CSMD1: variants seen among roughly 807,000 people sequenced by gnomAD.
The protein encoded by CSMD1 is CUB and Sushi multiple domains 1, also known as CUB and sushi domain-containing protein 1.
CSMD1 carries 213 observed loss-of-function variants against 417.5 expected under a neutral mutation model. The observed-to-expected ratio is 0.51, with a 90% CI of 0.46 to 0.57. The LOEUF (loss-of-function observed/expected upper bound fraction) is 0.57. Ranked by LOEUF, CSMD1 falls within the 20% of genes least tolerant of loss-of-function variation. The pLI, the probability that CSMD1 is intolerant of heterozygous loss-of-function variation, is 0.00. For synonymous variants in CSMD1, 2,862 were observed against 1,736.8 expected (o/e 1.65, Z -16.11); for missense variants, 6,923 against 4,529.7 (o/e 1.53, Z -15.17).
At chr8:4,920,282 C>G (rs572188483) in intron 1 of CSMD1, among the ~76,000 whole-genome samples, 1 of 151,974 alleles carries the variant, frequency 6.6e-6, no homozygotes, top group African/African-American at 2.4e-5. Context: ...CTGAAATGAG[C>G]GATCCAAGGC....
chr8:4,550,220 C>T (rs898372682), intron 2 of CSMD1, among the ~76,000 whole-genome samples: 1 of 151,968 alleles, frequency 6.6e-6, no homozygotes, highest in Admixed American at 6.6e-5. Flanking sequence ...CTCTTGAAAG[C>T]ACATTTCTCA....
chr8:3,920,221 G>C (rs1191333539), intron 5 of CSMD1, among the ~76,000 whole-genome samples: 1 of 151,988 alleles, frequency 6.6e-6, no homozygotes, highest in African/African-American at 2.4e-5. Context: ...TTTTAGTAAA[G>C]ACAGGGTCTC....
intron 4 of CSMD1, among the ~76,000 whole-genome samples, chr8:4,012,006 G>C (rs1585129506): frequency 6.7e-6 from 1 of 149,012 alleles, no homozygotes; most frequent in East Asian, 2.0e-4. Context: ...ATACTGTATT[G>C]TTTAGGTAAT....
At chr8:3,370,673 G>A (rs779824187) in intron 18 of CSMD1, among the ~76,000 whole-genome samples, 4 of 152,156 alleles carry the variant, frequency 2.6e-5, no homozygotes, top group Non-Finnish European at 5.9e-5. Flanking sequence ...GGCTGGAACC[G>A]AATAAAAAGG....
intron 1 of CSMD1, among the ~76,000 whole-genome samples, chr8:4,816,156 T>C (rs1395951974): frequency 1.3e-5 from 2 of 151,940 alleles, no homozygotes; most frequent in Non-Finnish European, 2.9e-5. Context: ...TTGCATGCTT[T>C]GGCTCAGGTT....
At chr8:4,439,833 A>G (rs1352476125) in intron 2 of CSMD1, among the ~76,000 whole-genome samples, 1 of 152,180 alleles carries the variant, frequency 6.6e-6, no homozygotes, top group African/African-American at 2.4e-5. Flanking sequence ...TAAAGGCACT[A>G]ATACAGAAGG....
intron 1 of CSMD1, among the ~76,000 whole-genome samples, chr8:4,703,303 T>C (rs930372655): frequency 1.8e-4 from 27 of 152,064 alleles, no homozygotes; most frequent in African/African-American, 6.5e-4. Flanking sequence ...AATCAGAATC[T>C]TCTCAGAAAG....
chr8:3,029,764 G>C (rs907702674), intron 50 of CSMD1, among the ~76,000 whole-genome samples: 48 of 151,784 alleles, frequency 3.2e-4, no homozygotes, highest in African/African-American at 1.2e-3. Flanking sequence ...CTGTAAAGGG[G>C]GTAAATCACT....
chr8:4,306,099 C>A (rs187915793), intron 3 of CSMD1, among the ~76,000 whole-genome samples: 1 of 152,294 alleles, frequency 6.6e-6, no homozygotes, highest in Admixed American at 6.5e-5. Flanking sequence ...AATGAATCTT[C>A]TTTTGCTTTT....
At chr8:4,378,067 T>G (rs1802868855) in intron 3 of CSMD1, among the ~76,000 whole-genome samples, 1 of 152,220 alleles carries the variant, frequency 6.6e-6, no homozygotes, top group Non-Finnish European at 1.5e-5. Context: ...ACTCATTCAA[T>G]TACAGACTCC....
intron 5 of CSMD1, among the ~76,000 whole-genome samples, chr8:3,884,823 C>G (rs1019947791): frequency 3.3e-5 from 5 of 151,730 alleles, no homozygotes; most frequent in Non-Finnish European, 7.4e-5. Flanking sequence ...AGGAGAATCT[C>G]TACTTCGTCG....
At chr8:4,750,240 A>G (rs369168280) in intron 1 of CSMD1, among the ~76,000 whole-genome samples, 5,501 of 152,074 alleles carry the variant, frequency 0.036, 142 homozygotes, top group Non-Finnish European at 0.052. Flanking sequence ...ATCTCCCGAC[A>G]TTGTGATCCG....
At chr8:4,585,768 C>A (rs1191748929) in intron 2 of CSMD1, among the ~76,000 whole-genome samples, 1 of 152,068 alleles carries the variant, frequency 6.6e-6, no homozygotes, top group Non-Finnish European at 1.5e-5. Context: ...GTGAAACTAT[C>A]CTATAGAAAT....
intron 41 of CSMD1, among the ~76,000 whole-genome samples, chr8:3,130,554 C>T (rs538187696): frequency 6.6e-6 from 1 of 152,292 alleles, no homozygotes; most frequent in African/African-American, 2.4e-5. Flanking sequence ...GAATGCGTCA[C>T]AGCCAAATCC....
intron 23 of CSMD1, among the ~76,000 whole-genome samples, chr8:3,329,049 C>G (rs1292427901): frequency 6.6e-6 from 1 of 151,936 alleles, no homozygotes; most frequent in Non-Finnish European, 1.5e-5. Flanking sequence ...ATGGAGGCTG[C>G]TGTTGGCATG....
intron 3 of CSMD1, among the ~76,000 whole-genome samples, chr8:4,392,164 A>C (rs1304696419): frequency 6.6e-6 from 1 of 152,174 alleles, no homozygotes; most frequent in Non-Finnish European, 1.5e-5. Context: ...TGTCATGGGC[A>C]TTTTTGTTTC....
chr8:3,918,232 C>G (rs375530589), intron 5 of CSMD1, among the ~76,000 whole-genome samples: 9 of 152,040 alleles, frequency 5.9e-5, no homozygotes, highest in African/African-American at 1.9e-4. Flanking sequence ...ATTGCTGGGT[C>G]ATATGGTAGG....
At chr8:4,045,592 T>A (rs1016679337) in intron 3 of CSMD1, among the ~76,000 whole-genome samples, 2 of 152,074 alleles carry the variant, frequency 1.3e-5, no homozygotes, top group South Asian at 4.1e-4. Flanking sequence ...TGAAAGAAAC[T>A]CAAGAATGTT....
At chr8:4,902,338 G>C (rs920707475) in intron 1 of CSMD1, among the ~76,000 whole-genome samples, 1 of 151,244 alleles carries the variant, frequency 6.6e-6, no homozygotes, top group African/African-American at 2.4e-5. Context: ...TCAGGAGACT[G>C]AGGCAGAAGG....
Sources: allele counts gnomAD v4.1 joint callset (sites outside exome capture counted in the v4.1 genomes callset), GRCh38; gene constraint gnomAD v4.1.1; transcripts MANE v1.5; gene names NCBI Gene and HGNC (gene_info 2026-07-23, HGNC 2026-07-21).